Variants in GNA14 observed in about 807,000 individuals in gnomAD.
GNA14 encodes the protein guanine nucleotide-binding protein subunit alpha-14.
A neutral mutation model predicts 42.0 loss-of-function variants in GNA14; 50 were observed. The observed-to-expected ratio is 1.19, with a 90% CI of 0.95 to 1.51. GNA14 has a LOEUF of 1.51. Ranked by LOEUF, GNA14 falls within the 40% of genes most tolerant of loss-of-function variation. The pLI, the probability that GNA14 is intolerant of heterozygous loss-of-function variation, is 0.00. For missense variants in GNA14, 473 were observed against 446.2 expected, an observed-to-expected ratio of 1.06 and a Z score of -0.54; for synonymous variants, 173 against 163.1, an observed-to-expected ratio of 1.06 and a Z score of -0.46.
At position 77,437,124 on chromosome 9, in the gene GNA14, C is replaced by T. The variant is rs73454072; in HGVS notation, c.310-2602G>A. Among the ~76,000 whole-genome samples, 1,299 of 152,294 alleles carry T rather than the reference C, an allele frequency of 8.5e-3. 21 individuals are homozygous for T. The highest frequency in any genetic ancestry group is 0.029 in the African/African-American group (1,213 of 41,566). Reference sequence around the variant, plus strand: ...TGTCAAAATCAGGTTAACGGCTGAGCTTTAGTGCTGCGACAATCATCAGGG... The same window carrying T: ...TGTCAAAATCAGGTTAACGGCTGAGTTTTAGTGCTGCGACAATCATCAGGG... On this transcript the variant is annotated intron_variant, in intron 2 of 6. Coordinates refer to ENST00000341700, the MANE Select transcript of GNA14 (RefSeq NM_004297.4).
chr9:77,634,501 G>A (rs1013062772), intron 1 of GNA14, among the ~76,000 whole-genome samples: 1 of 151,334 alleles, frequency 6.6e-6, no homozygotes, highest in Non-Finnish European at 1.5e-5. Context: ...GGAAGGGAGT[G>A]AGGGACAGAG....
intron 1 of GNA14, among the ~76,000 whole-genome samples, chr9:77,625,350 C>A (rs1256192408): frequency 6.6e-6 from 1 of 152,032 alleles, no homozygotes; most frequent in Non-Finnish European, 1.5e-5. Context: ...GAGAACTTCC[C>A]CCACCTAGCA....
chr9:77,647,073 G>A (rs927339588), intron 1 of GNA14, among the ~76,000 whole-genome samples: 4 of 152,188 alleles, frequency 2.6e-5, no homozygotes, highest in Non-Finnish European at 5.9e-5. Flanking sequence ...GAGCAGCAAC[G>A]GCATGGGCTT....
chr9:77,446,112 C>T (rs953519332), intron 2 of GNA14, among the ~76,000 whole-genome samples: 10 of 152,160 alleles, frequency 6.6e-5, no homozygotes, highest in South Asian at 2.1e-4. Flanking sequence ...GTGACCAGAG[C>T]GGCAGGGCTC....
chr9:77,644,437 CAAAAAAAAAAAA>C (rs764737417), intron 1 of GNA14, among the ~76,000 whole-genome samples: 8 of 34,022 alleles, frequency 2.4e-4, no homozygotes, highest in East Asian at 1.3e-3. Flanking sequence ...TAAAGAGTGT[CAAAAAAAAAAAA>C]AAAAAAAAAA....
chr9:77,447,597 T>G (rs1047818281), intron 2 of GNA14, among the ~76,000 whole-genome samples: 4 of 152,112 alleles, frequency 2.6e-5, no homozygotes, highest in African/African-American at 9.7e-5. Flanking sequence ...TTTACAACCC[T>G]TCACAGTCCA....
intron 2 of GNA14, among the ~76,000 whole-genome samples, chr9:77,439,106 C>G (rs550916940): frequency 6.6e-6 from 1 of 152,154 alleles, no homozygotes; most frequent in Admixed American, 6.5e-5. Context: ...ATTTTTGTCC[C>G]TCTGAATGAG....
chr9:77,525,499 A>G (rs1837418936), intron 2 of GNA14, among the ~76,000 whole-genome samples: 2 of 151,762 alleles, frequency 1.3e-5, no homozygotes, highest in Admixed American at 1.3e-4. Context: ...CTAGTTTCAC[A>G]GTCATGGATG....
At position 77,589,396 on chromosome 9, in the gene GNA14, T is replaced by C. The variant is rs565268265; in HGVS notation, c.124+58274A>G. 3.8e-4 allele frequency among the ~76,000 whole-genome samples: 58 copies of C among 152,308 alleles called. 1 individual carries two copies. Among genetic ancestry groups the C allele is most frequent in the African/African-American group, 1.3e-3 (56 of 41,560 alleles). On this transcript the variant is annotated intron_variant, in intron 1 of 6. Coordinates refer to ENST00000341700, the MANE Select transcript of GNA14 (RefSeq NM_004297.4). The stretch of plus-strand genomic sequence containing the variant: ...AAATGGAGTGAGCTCGGTTTTCTTT[T>C]TTTGTTTTGTTTTTTTGTTTGTTTG...
chr9:77,645,444 T>C (rs967522068), intron 1 of GNA14, among the ~76,000 whole-genome samples: 1 of 152,202 alleles, frequency 6.6e-6, no homozygotes. Context: ...TTGAAGTCCA[T>C]CCTTGGAGTT....
At chr9:77,561,503 C>T (rs1822883169) in intron 1 of GNA14, among the ~76,000 whole-genome samples, 1 of 152,138 alleles carries the variant, frequency 6.6e-6, no homozygotes, top group African/African-American at 2.4e-5. Context: ...TATATACATA[C>T]AATAGAATTT....
chr9:77,475,766 C>T (rs1222245941), intron 2 of GNA14, among the ~76,000 whole-genome samples: 3 of 152,286 alleles, frequency 2.0e-5, no homozygotes, highest in East Asian at 1.9e-4. Context: ...GCACAAACCC[C>T]GTGCACCTAG....
At chr9:77,503,329 T>G (rs145760691) in intron 2 of GNA14, among the ~76,000 whole-genome samples, 1 of 152,124 alleles carries the variant, frequency 6.6e-6, no homozygotes, top group Non-Finnish European at 1.5e-5. Flanking sequence ...CTCAAGGTAT[T>G]TGAGGAAGAG....
chr9:77,602,768 C>T (rs1823589052), intron 1 of GNA14, among the ~76,000 whole-genome samples: 1 of 152,040 alleles, frequency 6.6e-6, no homozygotes, highest in South Asian at 2.1e-4. Context: ...GAAACTTTAT[C>T]AGGGCCGGCC....
intron 2 of GNA14, among the ~76,000 whole-genome samples, chr9:77,479,415 G>C (rs1411804290): frequency 3.9e-5 from 6 of 152,118 alleles, no homozygotes; most frequent in Non-Finnish European, 8.8e-5. Flanking sequence ...ATGCTGTTTT[G>C]GTTACTGTAG....
intron 2 of GNA14, among the ~76,000 whole-genome samples, chr9:77,500,287 G>A (rs1836945137): frequency 6.6e-6 from 1 of 152,078 alleles, no homozygotes; most frequent in Non-Finnish European, 1.5e-5. Flanking sequence ...CAGAGTGCTG[G>A]GATTACAGGC....
intron 1 of GNA14, among the ~76,000 whole-genome samples, chr9:77,582,192 C>A (rs1823236109): frequency 6.6e-6 from 1 of 152,222 alleles, no homozygotes; most frequent in Non-Finnish European, 1.5e-5. Flanking sequence ...CGCTTCCAAT[C>A]CTGGATTGAT....
chr9:77,461,388 G>A (rs1334872681), intron 2 of GNA14, among the ~76,000 whole-genome samples: 1 of 152,176 alleles, frequency 6.6e-6, no homozygotes, highest in Non-Finnish European at 1.5e-5. Flanking sequence ...ATGGGCTTGG[G>A]CCTCAACGGT....
chr9:77,507,695 C>A (rs143541981), intron 2 of GNA14, among the ~76,000 whole-genome samples: 123 of 152,180 alleles, frequency 8.1e-4, no homozygotes, highest in African/African-American at 2.9e-3. Context: ...ATTTCTACCT[C>A]TTGTCCAGCT....
Sources: allele counts gnomAD v4.1 joint callset (sites outside exome capture counted in the v4.1 genomes callset), GRCh38; gene constraint gnomAD v4.1.1; transcripts MANE v1.5; gene names NCBI Gene and HGNC (gene_info 2026-07-23, HGNC 2026-07-21).